The following PCDHGB3 variants were observed in gnomAD, a reference collection of about 807,000 sequenced individuals.
The protein encoded by PCDHGB3 is protocadherin gamma subfamily B, 3.
Under a neutral mutation model 59.2 loss-of-function variants are expected in PCDHGB3, and 40 were observed. That is an observed-to-expected ratio of 0.68 (90% CI 0.52 to 0.88). The LOEUF is 0.88. PCDHGB3 is among the 40% of genes least tolerant of loss of function. The pLI, the probability that PCDHGB3 is intolerant of heterozygous loss-of-function variation, is 0.00. For missense variants in PCDHGB3, 1,309 were observed against 1,187.9 expected (o/e 1.10, Z -1.50); for synonymous variants, 581 against 503.6 (o/e 1.15, Z -2.06).
rs1554087243 is a variant in PCDHGB3, at chr5:141,382,895, C to T, written c.2415+10086C>T. The T allele has an allele frequency of 2.6e-6, 4 of 1,536,202 alleles. No homozygotes were observed. The East Asian group carries it at 6.8e-5, about 26-fold the overall frequency. ...CGGCGCCTAAGCAAGAGAAGCAGGA[C>T]GACTATGGCGGCTCAGCCGAGGGGC... On this transcript the variant is annotated intron_variant, in intron 1 of 3. Transcript: ENST00000576222.
chr5:141,384,852 G>A, intron 1 of PCDHGB3: 1 of 1,613,646 alleles, frequency 6.2e-7, no homozygotes, highest in Non-Finnish European at 8.5e-7. Context: ...ACCACGGTCA[G>A]CCTCCTCTGT....
At chr5:141,388,652 C>T in intron 1 of PCDHGB3, 1 of 1,613,844 alleles carries the variant, frequency 6.2e-7, no homozygotes, top group African/African-American at 1.3e-5. Context: ...AAAACGTGTA[C>T]CCGGGGACCA....
At chr5:141,410,515 G>T in intron 1 of PCDHGB3, 1 of 1,613,946 alleles carries the variant, frequency 6.2e-7, no homozygotes, top group South Asian at 1.1e-5. Flanking sequence ...AATGCAGTGT[G>T]CCCCTACATT....
rs1012790217 is a variant in PCDHGB3 at position 141,432,087 on chromosome 5, C to T, written c.2415+59278C>T. On this transcript the variant is annotated intron_variant, in intron 1 of 3. Coordinates refer to ENST00000576222, the MANE Select transcript of PCDHGB3 (RefSeq NM_018924.5). This position sits in a 1 kb window ranked among gnomAD's most constrained non-coding sequence, Gnocchi z 6.0. ...GAAACTCATATCTCGCTGAACGTGG[C>T]AGACACCAACGACAACCCGCCGGTC... is the stretch of plus-strand genomic sequence containing the variant. The T allele has an allele frequency of 2.5e-6, 4 of 1,614,060 alleles. No homozygotes were observed. The African/African-American group carries it at 4.0e-5, about 16-fold the overall frequency.
chr5:141,433,641 G>T (rs1177387884), intron 1 of PCDHGB3, among the ~76,000 whole-genome samples: 1 of 152,104 alleles, frequency 6.6e-6, no homozygotes, highest in Admixed American at 6.5e-5. Flanking sequence ...TTTGAGACCA[G>T]CCTGACCAAC....
intron 1 of PCDHGB3, chr5:141,420,293 A>G: frequency 1.3e-6 from 2 of 1,485,602 alleles, no homozygotes; most frequent in Non-Finnish European, 9.1e-7. Context: ...TTAAAAATGT[A>G]TTTAATCCTT....
chr5:141,490,050 C>T lies in PCDHGB3; in HGVS notation c.2416-4757C>T, dbSNP rs1400735375. On this transcript the variant is annotated intron_variant, in intron 1 of 3. Transcript: ENST00000576222. This position sits in a 1 kb window ranked among gnomAD's most constrained non-coding sequence, Gnocchi z 5.4. ...TCCGCCTCAATGCCACTGATCCAGA[C>T]GAGGGCACCAACGGCCAACTAGACT... The T allele has an allele frequency of 1.2e-6, 2 of 1,614,224 alleles. No individual in the cohort carries two copies. The highest frequency in any genetic ancestry group is 1.7e-6 in the Non-Finnish European group (2 of 1,180,022).
chr5:141,451,037 C>T (rs1293972996), intron 1 of PCDHGB3, among the ~76,000 whole-genome samples: 1 of 151,594 alleles, frequency 6.6e-6, no homozygotes, highest in Middle Eastern at 3.2e-3. Context: ...ACCATATTGG[C>T]CAGGCTGGTC....
intron 1 of PCDHGB3, among the ~76,000 whole-genome samples, chr5:141,475,285 A>G (rs2099361212): frequency 6.6e-6 from 1 of 152,244 alleles, no homozygotes; most frequent in Non-Finnish European, 1.5e-5. Context: ...AAGACAGGGT[A>G]GGGAAATTTC....
rs113065470 is a variant in PCDHGB3 at position 141,401,000 on chromosome 5, C to A, written c.2415+28191C>A. 4.1e-3 allele frequency among the ~76,000 whole-genome samples: 629 copies of A among 152,216 alleles called. 6 individuals are homozygous for A. The highest frequency in any genetic ancestry group is 0.014 in the African/African-American group (590 of 41,530). On this transcript the variant is annotated intron_variant, in intron 1 of 3. Coordinates refer to ENST00000576222, the MANE Select transcript of PCDHGB3 (RefSeq NM_018924.5). ...TGTTCCTCATATATGCTTTCTTATT[C>A]CTACCTAATGGATTTATGATTTTTT...
chr5:141,408,309 C>G, intron 1 of PCDHGB3: 1 of 1,613,816 alleles, frequency 6.2e-7, no homozygotes, highest in South Asian at 1.1e-5. Context: ...ATCCGCTACT[C>G]GATTCCGGAG....
At chr5:141,461,738 C>A (rs2099021378) in intron 1 of PCDHGB3, among the ~76,000 whole-genome samples, 1 of 150,904 alleles carries the variant, frequency 6.6e-6, no homozygotes. Flanking sequence ...TGGCACAATC[C>A]CGGCTCCCAG....
chr5:141,456,098 C>T (rs1222639126), intron 1 of PCDHGB3, among the ~76,000 whole-genome samples: 2 of 151,980 alleles, frequency 1.3e-5, no homozygotes, highest in Non-Finnish European at 2.9e-5. Flanking sequence ...GGGATTTCAC[C>T]GTGTTAGCCA....
At chr5:141,507,932 G>C (rs2099865030) in intron 3 of PCDHGB3, 1 of 152,338 alleles carries the variant, frequency 6.6e-6, no homozygotes, top group Admixed American at 6.5e-5. Context: ...TGCTGAGAGG[G>C]GTTAAGTAAG....
chr5:141,492,471 C>T (rs937691695), intron 1 of PCDHGB3, among the ~76,000 whole-genome samples: 8 of 152,240 alleles, frequency 5.3e-5, no homozygotes, highest in Non-Finnish European at 1.0e-4. Flanking sequence ...GGTCCCAGAT[C>T]GCGGCCGCCC....
At chr5:141,389,281 G>T in intron 1 of PCDHGB3, 2 of 1,614,012 alleles carry the variant, frequency 1.2e-6, no homozygotes, top group Non-Finnish European at 1.7e-6. Context: ...AACCCGCCTG[G>T]AGCCTCTATT....
Position 141,491,732 on chromosome 5 carries a change from C to G in PCDHGB3, c.2416-3075C>G. ...GGCTCGGCGCCGCCCCGGGCGACCC[C>G]TGGGGGCGGCACTGGAGAAGCCGCC... On this transcript the variant is annotated intron_variant, in intron 1 of 3. Coordinates refer to ENST00000576222, the MANE Select transcript of PCDHGB3 (RefSeq NM_018924.5). This position sits in a 1 kb window ranked among gnomAD's most constrained non-coding sequence, Gnocchi z 6.9. The G allele has an allele frequency of 1.2e-6, 2 of 1,602,752 alleles. No individual in the cohort carries two copies. Among genetic ancestry groups the G allele is most frequent in the Non-Finnish European group, 1.7e-6 (2 of 1,175,308 alleles).
intron 1 of PCDHGB3, among the ~76,000 whole-genome samples, chr5:141,437,228 A>C (rs1410620126): frequency 6.6e-6 from 1 of 152,228 alleles, no homozygotes; most frequent in Non-Finnish European, 1.5e-5. Context: ...CCAGTCATAA[A>C]ATTATGTCAA....
At chr5:141,449,933 G>A (rs1012332454) in intron 1 of PCDHGB3, among the ~76,000 whole-genome samples, 1 of 149,752 alleles carries the variant, frequency 6.7e-6, no homozygotes, top group African/African-American at 2.5e-5. Flanking sequence ...ATACCTTATA[G>A]TATATTTTAC....
Sources: allele counts gnomAD v4.1 joint callset (sites outside exome capture counted in the v4.1 genomes callset), GRCh38; gene constraint gnomAD v4.1.1; non-coding constraint Gnocchi (gnomAD v3.1); transcripts MANE v1.5; gene names NCBI Gene and HGNC (gene_info 2026-07-23, HGNC 2026-07-21).